Variants in HOOK3 observed in about 807,000 individuals in gnomAD.
HOOK3 encodes the protein protein Hook homolog 3.
A neutral mutation model predicts 116.3 loss-of-function variants in HOOK3; 24 were observed. That is an observed-to-expected ratio of 0.21 (90% CI 0.15 to 0.29). The LOEUF is 0.29. Among genes scored for constraint, HOOK3 ranks in the 10% least tolerant of loss-of-function variants. The probability of loss-of-function intolerance (pLI) is 1.00; values close to 1 mark genes in which losing one functional copy is unlikely to be tolerated. For synonymous variants in HOOK3, 275 were observed against 283.0 expected (o/e 0.97, Z 0.28); for missense variants, 632 against 830.2 (o/e 0.76, Z 2.93).
intron 5 of HOOK3, among the ~76,000 whole-genome samples, chr8:42,944,963 G>A (rs190534227): frequency 1.2e-3 from 178 of 152,192 alleles, no homozygotes; most frequent in African/African-American, 4.2e-3. Flanking sequence ...TAAGCTCCCA[G>A]AGCTGAAATG....
chr8:43,013,091 C>T lies in HOOK3; in HGVS notation c.1880C>T (p.Ala627Val), dbSNP rs748966306. The T allele has an allele frequency of 6.2e-7, 1 of 1,613,256 alleles. No individual in the cohort carries two copies. The highest frequency in any genetic ancestry group is 8.5e-7 in the Non-Finnish European group (1 of 1,179,560). Residue 627 changes from alanine (A) to valine (V), a missense_variant, in exon 20 of 22, where the codon GCA (alanine) becomes GTA (valine). Ala to Val is a moderately conservative substitution (Grantham distance 64). Transcript: ENST00000307602. ...TLDPKQNQGA[A>V]PEIQALKNQL... ...GATCCTAAACAGAATCAAGGAGCAG[C>T]ACCAGAAATACAAGCTCTTAAAAAT...
At chr8:42,973,705 A>G (rs1808767522) in intron 12 of HOOK3, among the ~76,000 whole-genome samples, 1 of 152,080 alleles carries the variant, frequency 6.6e-6, no homozygotes, top group Admixed American at 6.6e-5. Flanking sequence ...TGTTTTCTGT[A>G]TGATTAATAG....
chr8:42,927,338 C>T (rs1807788192), intron 3 of HOOK3, among the ~76,000 whole-genome samples: 1 of 149,320 alleles, frequency 6.7e-6, no homozygotes, highest in Non-Finnish European at 1.5e-5. Context: ...CTCGCTGCAA[C>T]CTCCGCCTCC....
At position 42,996,135 on chromosome 8, in the gene HOOK3, C is replaced by T. The variant is rs968567291; in HGVS notation, c.1533-1415C>T. 7.9e-5 allele frequency among the ~76,000 whole-genome samples: 12 copies of T among 152,136 alleles called. No individual in the cohort carries two copies. The South Asian group carries it at 2.5e-3, about 32-fold the overall frequency. On this transcript the variant is annotated intron_variant, in intron 15 of 21. Transcript: ENST00000307602. ...GCGCGGTGGCTCATGCCTGTAATCC[C>T]AGCACTTTGGGAGGCCGAGGCAGGT...
At chr8:42,971,841 C>T (rs965381975) in intron 11 of HOOK3, among the ~76,000 whole-genome samples, 1 of 151,992 alleles carries the variant, frequency 6.6e-6, no homozygotes, top group South Asian at 2.1e-4. Context: ...CCACCAAGCC[C>T]GGCTAAATTT....
intron 2 of HOOK3, among the ~76,000 whole-genome samples, chr8:42,918,668 G>A (rs1049906387): frequency 2.6e-5 from 4 of 152,124 alleles, no homozygotes; most frequent in Non-Finnish European, 4.4e-5. Flanking sequence ...GTTTAACAAA[G>A]CACATCTTGC....
intron 14 of HOOK3, among the ~76,000 whole-genome samples, chr8:42,983,799 A>G (rs1026813948): frequency 6.6e-6 from 1 of 152,122 alleles, no homozygotes; most frequent in Non-Finnish European, 1.5e-5. Context: ...TTTATGCATA[A>G]CTAGCTTTAT....
At chr8:42,993,298 C>G (rs977524515) in intron 15 of HOOK3, among the ~76,000 whole-genome samples, 1 of 152,156 alleles carries the variant, frequency 6.6e-6, no homozygotes, top group African/African-American at 2.4e-5. Context: ...GGGTCTTACT[C>G]TGTCGCCCAA....
chr8:42,953,929 C>T (rs1808388718), intron 6 of HOOK3, among the ~76,000 whole-genome samples: 1 of 152,200 alleles, frequency 6.6e-6, no homozygotes, highest in African/African-American at 2.4e-5. Flanking sequence ...CCCATACCTA[C>T]AACCATTGTG....
intron 14 of HOOK3, among the ~76,000 whole-genome samples, chr8:42,986,239 A>G (rs549815249): frequency 6.6e-6 from 1 of 152,350 alleles, no homozygotes; most frequent in South Asian, 2.1e-4. Context: ...AGGAATGGGT[A>G]GACTGAATGT....
At chr8:42,902,364 C>T (rs555544756) in intron 1 of HOOK3, among the ~76,000 whole-genome samples, 2 of 151,832 alleles carry the variant, frequency 1.3e-5, no homozygotes, top group African/African-American at 4.8e-5. Flanking sequence ...CCCGACCCCC[C>T]AGGCTCAAGT....
At chr8:42,976,616 G>C (rs1005251779) in intron 13 of HOOK3, among the ~76,000 whole-genome samples, 3 of 152,120 alleles carry the variant, frequency 2.0e-5, no homozygotes, top group Non-Finnish European at 4.4e-5. Context: ...GGTGTTTCTT[G>C]GCCAGGCACA....
At chr8:42,913,886 A>C (rs936401034) in intron 2 of HOOK3, among the ~76,000 whole-genome samples, 9 of 152,306 alleles carry the variant, frequency 5.9e-5, no homozygotes, top group Non-Finnish European at 1.2e-4. Flanking sequence ...GTCATTAAAA[A>C]AAAAGAATTT....
intron 5 of HOOK3, among the ~76,000 whole-genome samples, chr8:42,949,679 G>C (rs1028503120): frequency 6.6e-6 from 1 of 152,172 alleles, no homozygotes; most frequent in African/African-American, 2.4e-5. Flanking sequence ...CAGCACTTTG[G>C]GAGGCCGAGG....
intron 5 of HOOK3, among the ~76,000 whole-genome samples, chr8:42,946,245 G>A (rs1304737331): frequency 1.3e-5 from 2 of 152,190 alleles, no homozygotes; most frequent in African/African-American, 4.8e-5. Flanking sequence ...AGAGGTGAGT[G>A]TTCCTCAGCT....
intron 15 of HOOK3, among the ~76,000 whole-genome samples, chr8:42,996,346 A>G (rs1440435433): frequency 1.3e-5 from 2 of 149,452 alleles, no homozygotes; most frequent in African/African-American, 4.9e-5. Context: ...AGATTGCACC[A>G]TTGCACTCCA....
At chr8:42,906,476 AATTATTCTTGT>A (rs1382244578) in intron 2 of HOOK3, among the ~76,000 whole-genome samples, 8 of 152,104 alleles carry the variant, frequency 5.3e-5, no homozygotes, top group African/African-American at 1.9e-4. Context: ...GTTTTAGCAG[AATTATTCTTGT>A]ATTTTTTGGC....
chr8:43,008,613 C>T (rs1272170950), intron 18 of HOOK3, among the ~76,000 whole-genome samples: 2 of 150,554 alleles, frequency 1.3e-5, no homozygotes, highest in Admixed American at 1.3e-4. Flanking sequence ...GCAACCATAC[C>T]TGGCCTATAT....
At chr8:43,014,283 C>CAAAAAAAAAAAAAAAAAAAAAAAAA (rs1442156669) in intron 21 of HOOK3, among the ~76,000 whole-genome samples, 1 of 77,012 alleles carries the variant, frequency 1.3e-5, no homozygotes, top group Non-Finnish European at 2.4e-5. Context: ...AAGACTGTCT[C>CAAAAAAAAAAAAAAAAAAAAAAAAA]AGAAAAAAAA....
Sources: allele counts gnomAD v4.1 joint callset (sites outside exome capture counted in the v4.1 genomes callset), GRCh38; gene constraint gnomAD v4.1.1; transcripts MANE v1.5; gene names NCBI Gene and HGNC (gene_info 2026-07-23, HGNC 2026-07-21).